ERP44: variants seen among roughly 807,000 people sequenced by gnomAD.
ERP44 encodes endoplasmic reticulum protein 44, also known as endoplasmic reticulum resident protein 44.
Under a neutral mutation model 53.4 loss-of-function variants are expected in ERP44, and 25 were observed. That is an observed-to-expected ratio of 0.47 (90% CI 0.34 to 0.65). The LOEUF (loss-of-function observed/expected upper bound fraction) is 0.65, where lower values mean the gene tolerates loss of function less well. ERP44 is among the 30% of genes least tolerant of loss of function. The pLI is 0.01. For synonymous variants in ERP44, 145 were observed against 161.2 expected (o/e 0.90, Z 0.76); for missense variants, 338 against 493.2 (o/e 0.69, Z 2.98).
intron 1 of ERP44, among the ~76,000 whole-genome samples, chr9:100,066,247 T>C (rs556892791): frequency 4.0e-4 from 61 of 152,364 alleles, no homozygotes; most frequent in Admixed American, 6.5e-4. Flanking sequence ...TCTGTGACAA[T>C]GCATTGACAT....
At chr9:100,019,761 A>G (rs994208748) in intron 6 of ERP44, among the ~76,000 whole-genome samples, 2 of 152,180 alleles carry the variant, frequency 1.3e-5, no homozygotes, top group Admixed American at 6.5e-5. Flanking sequence ...AGAAAAAGGT[A>G]GTTGAACATC....
At chr9:100,069,563 T>G (rs556924648) in intron 1 of ERP44, among the ~76,000 whole-genome samples, 1 of 152,166 alleles carries the variant, frequency 6.6e-6, no homozygotes, top group South Asian at 2.1e-4. Context: ...GCCAGTGCAC[T>G]CCAGCCTGGG....
intron 4 of ERP44, among the ~76,000 whole-genome samples, chr9:100,046,963 C>CA (rs1200552086): frequency 5.3e-5 from 8 of 152,160 alleles, no homozygotes; most frequent in Non-Finnish European, 1.2e-4. Flanking sequence ...TAGACCCACA[C>CA]ATACAGTGTC....
chr9:100,036,232 A>G (rs1446165776), intron 4 of ERP44, among the ~76,000 whole-genome samples: 1 of 152,122 alleles, frequency 6.6e-6, no homozygotes, highest in Non-Finnish European at 1.5e-5. Flanking sequence ...CAACAAAATC[A>G]TTTCCTCTGC....
chr9:100,043,989 C>T (rs934058908), intron 4 of ERP44, among the ~76,000 whole-genome samples: 23 of 152,190 alleles, frequency 1.5e-4, no homozygotes, highest in African/African-American at 5.3e-4. Context: ...TCAAATATTA[C>T]TCTGTATCTC....
At chr9:100,047,603 T>G (rs1281388590) in intron 4 of ERP44, among the ~76,000 whole-genome samples, 1 of 152,180 alleles carries the variant, frequency 6.6e-6, no homozygotes, top group African/African-American at 2.4e-5. Flanking sequence ...CTAACACTCT[T>G]AAACTCTCTA....
At chr9:100,078,658 G>A (rs770995062) in intron 1 of ERP44, among the ~76,000 whole-genome samples, 3 of 151,796 alleles carry the variant, frequency 2.0e-5, no homozygotes, top group Non-Finnish European at 4.4e-5. Context: ...GGGAGGCTGA[G>A]GCAGGAGAAT....
intron 1 of ERP44, among the ~76,000 whole-genome samples, chr9:100,088,288 T>C (rs776126182): frequency 6.6e-6 from 1 of 152,276 alleles, no homozygotes; most frequent in Non-Finnish European, 1.5e-5. Flanking sequence ...TCTTCTAATA[T>C]GCTGTATCTT....
intron 1 of ERP44, among the ~76,000 whole-genome samples, chr9:100,093,423 C>T (rs778266561): frequency 2.0e-5 from 3 of 152,278 alleles, no homozygotes; most frequent in East Asian, 1.9e-4. Context: ...GCGGGTGGAT[C>T]GCTTGAGCCC....
chr9:100,057,940 G>T, intron 2 of ERP44, 81 bp from the exon 3 acceptor site: 1 of 1,129,486 alleles, frequency 8.9e-7, no homozygotes, highest in Non-Finnish European at 1.3e-6. Flanking sequence ...TATGATCTTT[G>T]TCCAATATAA....
At position 100,037,387 on chromosome 9, in the gene ERP44, A is replaced by T. The variant is rs192626022; in HGVS notation, c.286+15030T>A. ...GTGCCACAGTGCTCTGGGCCCCTAAATAAACTTGAAAGGCAGTGTAGGCCA... is the reference window on the plus strand; with the variant it reads ...GTGCCACAGTGCTCTGGGCCCCTAATTAAACTTGAAAGGCAGTGTAGGCCA... On this transcript the variant is annotated intron_variant, in intron 4 of 11. Coordinates refer to ENST00000262455, the MANE Select transcript of ERP44 (RefSeq NM_015051.3). Among the ~76,000 whole-genome samples, 252 of 152,240 alleles carry T rather than the reference A, an allele frequency of 1.7e-3. 1 individual carries two copies. Among genetic ancestry groups the T allele is most frequent in the African/African-American group, 5.8e-3 (242 of 41,548 alleles).
chr9:99,989,412 G>A (rs887332950), intron 10 of ERP44, among the ~76,000 whole-genome samples: 3 of 152,206 alleles, frequency 2.0e-5, no homozygotes, highest in Non-Finnish European at 2.9e-5. Flanking sequence ...GGTCTGGAGT[G>A]GACCTCCAGC....
chr9:100,048,568 T>C (rs376165473), intron 4 of ERP44, among the ~76,000 whole-genome samples: 13 of 152,242 alleles, frequency 8.5e-5, no homozygotes, highest in African/African-American at 3.1e-4. Flanking sequence ...GAGATATTAG[T>C]ACACTCATGT....
chr9:100,007,192 C>T (rs559791552), intron 9 of ERP44, among the ~76,000 whole-genome samples: 10 of 152,350 alleles, frequency 6.6e-5, no homozygotes, highest in African/African-American at 1.9e-4. Flanking sequence ...CAGACAACTA[C>T]TCAACTTTCT....
intron 1 of ERP44, among the ~76,000 whole-genome samples, chr9:100,090,748 C>CAA (rs572018205): frequency 3.1e-4 from 43 of 140,530 alleles, no homozygotes; most frequent in African/African-American, 4.6e-4. Context: ...GACTCTGTTT[C>CAA]AAAAAAAAAA....
intron 1 of ERP44, among the ~76,000 whole-genome samples, chr9:100,069,106 A>G (rs930627688): frequency 3.9e-5 from 6 of 151,982 alleles, no homozygotes; most frequent in African/African-American, 1.5e-4. Flanking sequence ...GCTCCTTAAG[A>G]GTCATCACCA....
chr9:100,095,619 A>T (rs993166126), intron 1 of ERP44, among the ~76,000 whole-genome samples: 3 of 151,998 alleles, frequency 2.0e-5, no homozygotes, highest in Non-Finnish European at 4.4e-5. Flanking sequence ...ATTTTTTTTT[A>T]AAACTAATTT....
chr9:100,036,638 T>C (rs891850432), intron 4 of ERP44, among the ~76,000 whole-genome samples: 6 of 152,060 alleles, frequency 3.9e-5, no homozygotes, highest in Admixed American at 2.0e-4. Flanking sequence ...TATACCCCCA[T>C]GTACCCCCGA....
At position 100,095,686 on chromosome 9, in the gene ERP44, A is replaced by G. The variant is rs1587988966; in HGVS notation, c.57+3098T>C. On this transcript the variant is annotated intron_variant, in intron 1 of 11. Transcript: ENST00000262455. ...TGGGCCCCGATATCATTTTATTAAA[A>G]CTGCCACAGATGATTCTAATGAGCA... Among the ~76,000 whole-genome samples the G allele has an allele frequency of 2.0e-5, 3 of 152,122 alleles. No homozygotes were observed. The South Asian group carries it at 6.2e-4, about 32-fold the overall frequency.
Sources: allele counts gnomAD v4.1 joint callset (sites outside exome capture counted in the v4.1 genomes callset), GRCh38; gene constraint gnomAD v4.1.1; transcripts MANE v1.5; gene names NCBI Gene and HGNC (gene_info 2026-07-23, HGNC 2026-07-21).